ALDH6A1: variants seen among roughly 807,000 people sequenced by gnomAD.
ALDH6A1 encodes methylmalonate-semialdehyde/malonate-semialdehyde dehydrogenase [acylating], mitochondrial.
Under a neutral mutation model 62.6 loss-of-function variants are expected in ALDH6A1, and 43 were observed. The observed-to-expected ratio is 0.69, with a 90% CI of 0.54 to 0.89. The LOEUF is 0.89. Ranked by LOEUF, ALDH6A1 falls within the 40% of genes least tolerant of loss-of-function variation. The probability of loss-of-function intolerance (pLI) is 0.00; values close to 1 mark genes in which losing one functional copy is unlikely to be tolerated. For synonymous variants in ALDH6A1, 194 were observed against 234.2 expected (o/e 0.83, Z 1.57); for missense variants, 551 against 661.3 (o/e 0.83, Z 1.83).
Position 74,066,905 on chromosome 14 carries a change from G to T in ALDH6A1, c.1043-19C>A, listed in dbSNP as rs1228769720. ...TGATCTCCTGTAAAACAACACAGAA[G>T]AATTTAAGGTCCTCATTAACATAAA... On this transcript the variant is annotated intron_variant, in intron 8 of 11. Transcript: ENST00000553458. 3 of 1,609,940 alleles carry T rather than the reference G, an allele frequency of 1.9e-6. No individual in the cohort carries two copies. Among genetic ancestry groups the T allele is most frequent in the Admixed American group, 1.7e-5 (1 of 59,994 alleles).
chr14:74,064,772 T>G (rs2060431755), intron 11 of ALDH6A1, 50 bp downstream of exon 11: 2 of 1,612,208 alleles, frequency 1.2e-6, no homozygotes, highest in Non-Finnish European at 1.7e-6. Flanking sequence ...CTGAATATCT[T>G]TAAGAAAATT....
At chr14:74,078,110 G>C (rs1169503332) in intron 1 of ALDH6A1, 6 of 440,874 alleles carry the variant, frequency 1.4e-5, no homozygotes, top group Admixed American at 7.7e-5. Flanking sequence ...TTCACTCTTT[G>C]CTATTCCACA....
intron 11 of ALDH6A1, among the ~76,000 whole-genome samples, chr14:74,061,321 A>ATTTTTT (rs1359402610): frequency 0.074 from 11,095 of 150,116 alleles, 545 homozygotes; most frequent in South Asian, 0.25. Context: ...ATTTATTTTG[A>ATTTTTT]GACAGAGTCT....
chr14:74,065,084 G>A, intron 10 of ALDH6A1, 97 bp downstream of exon 10: 1 of 1,482,758 alleles, frequency 6.7e-7, no homozygotes. Flanking sequence ...GGAGGTCATG[G>A]GGGCAATCTT....
intron 11 of ALDH6A1, among the ~76,000 whole-genome samples, chr14:74,063,865 CAAA>C (rs71115948): frequency 3.2e-5 from 4 of 124,174 alleles, no homozygotes; most frequent in Non-Finnish European, 5.3e-5. Flanking sequence ...GACTCTGTCT[CAAA>C]AAAAAAAAAA....
intron 11 of ALDH6A1, among the ~76,000 whole-genome samples, chr14:74,062,032 G>A (rs1381919010): frequency 8.4e-6 from 1 of 118,890 alleles, no homozygotes; most frequent in Admixed American, 1.1e-4. Context: ...CCAACATGGC[G>A]AAACCTCGTC....
In ALDH6A1 at chr14:74,059,654, C is replaced by A; in HGVS notation, c.*988G>T. 1 of 193,316 alleles carries A rather than the reference C, an allele frequency of 5.2e-6. No individual in the cohort carries two copies. 12.0% of individuals were successfully genotyped at this position (193,316 alleles called of 1,614,324 possible). ...AGGTTGCGGTGAGCTGAGATCACGCCATTGCACTCCAGCCTGGGCAACAAG... is the reference window on the plus strand; with the variant it reads ...AGGTTGCGGTGAGCTGAGATCACGCAATTGCACTCCAGCCTGGGCAACAAG... On this transcript the variant is annotated 3_prime_UTR_variant, in exon 12 of 12. Transcript: ENST00000553458.
intron 9 of ALDH6A1, chr14:74,065,940 T>G (rs921646959): frequency 2.5e-5 from 4 of 157,372 alleles, no homozygotes; most frequent in African/African-American, 9.6e-5. Flanking sequence ...GCAAGAGATT[T>G]CATAATTTCT....
At chr14:74,083,154 T>G (rs2060687143) in intron 1 of ALDH6A1, among the ~76,000 whole-genome samples, 1 of 152,314 alleles carries the variant, frequency 6.6e-6, no homozygotes, top group East Asian at 1.9e-4. Context: ...TAAAAATGAA[T>G]CTTTGCTGAC....
At position 74,057,049 on chromosome 14, in the gene ALDH6A1, T is replaced by C. The variant is rs1415946156; in HGVS notation, c.*3593A>G. 1 of 1,589,028 alleles carries C rather than the reference T, an allele frequency of 6.3e-7. No individual in the cohort carries two copies. The highest frequency in any genetic ancestry group is 1.3e-5 in the African/African-American group (1 of 74,118). ...ATGGTTCTTGTGGGCATCTTGAATG[T>C]GCTAATTGAAAGTAATATGACAAGT... On this transcript the variant is annotated 3_prime_UTR_variant, in exon 12 of 12. Transcript: ENST00000553458.
At chr14:74,068,709 C>G in intron 7 of ALDH6A1, 151 bp downstream of exon 7, 1 of 880,170 alleles carries the variant, frequency 1.1e-6, no homozygotes, top group East Asian at 3.0e-5. Flanking sequence ...TGCCACTGCA[C>G]TCCAGCTTGG....
At chr14:74,067,997 T>TAAA (rs35503985) in intron 7 of ALDH6A1, among the ~76,000 whole-genome samples, 19,501 of 132,662 alleles carry the variant, frequency 0.15, 1,911 homozygotes, top group East Asian at 0.58. Context: ...AGAGCAATGT[T>TAAA]AAAAAAAAAA....
Position 74,060,473 on chromosome 14 carries a change from C to T in ALDH6A1, c.*169G>A, listed in dbSNP as rs1416261225. ...TGAGAAATCTGGTTTCATTGTTACA[C>T]TAGGCAGTTCCCTATAGAAACTTTG... On this transcript the variant is annotated 3_prime_UTR_variant, in exon 12 of 12. Coordinates refer to ENST00000553458, the MANE Select transcript of ALDH6A1 (RefSeq NM_005589.4). The T allele has an allele frequency of 4.6e-6, 3 of 652,518 alleles. No homozygotes were observed. Among genetic ancestry groups the T allele is most frequent in the Admixed American group, 4.7e-5 (2 of 42,506 alleles). 40.4% of individuals were successfully genotyped at this position (652,518 alleles called of 1,614,324 possible).
intron 10 of ALDH6A1, 93 bp from the exon 11 acceptor site, chr14:74,065,013 C>T: frequency 1.5e-6 from 2 of 1,376,598 alleles, no homozygotes; most frequent in South Asian, 1.2e-5. Context: ...TAAATACCCA[C>T]CTTCTACCCT....
chr14:74,059,057 C>G lies in ALDH6A1; in HGVS notation c.*1585G>C, dbSNP rs553834672. 2 of 171,200 alleles carry G rather than the reference C, an allele frequency of 1.2e-5. No homozygotes were observed. Among genetic ancestry groups the G allele is most frequent in the East Asian group, 3.7e-4 (2 of 5,426 alleles). The allele number at this position is 171,200 out of a possible 1,614,324, so 10.6% of individuals were successfully genotyped here. On this transcript the variant is annotated 3_prime_UTR_variant, in exon 12 of 12. Coordinates refer to ENST00000553458, the MANE Select transcript of ALDH6A1 (RefSeq NM_005589.4). ...CAAGATCACGCCATTGCACTCTAGC[C>G]TGGGCAACAAGAGTGAAACTCCATC...
chr14:74,067,641 G>A (rs2060489058), intron 7 of ALDH6A1, 72 bp from the exon 8 acceptor site: 1 of 1,526,120 alleles, frequency 6.6e-7, no homozygotes, highest in Non-Finnish European at 9.0e-7. Context: ...TTAAGCAGTG[G>A]ACCAGGTGTG....
At chr14:74,076,941 C>G (rs1194010624) in intron 1 of ALDH6A1, among the ~76,000 whole-genome samples, 1 of 152,202 alleles carries the variant, frequency 6.6e-6, no homozygotes, top group Non-Finnish European at 1.5e-5. Context: ...TAAAGGAAAG[C>G]TGCAATCTAA....
intron 1 of ALDH6A1, among the ~76,000 whole-genome samples, chr14:74,075,383 A>G (rs1760797053): frequency 2.0e-5 from 3 of 152,200 alleles, no homozygotes; most frequent in Admixed American, 2.0e-4. Context: ...TGTGCTGGGC[A>G]TGGTGACTCA....
intron 11 of ALDH6A1, among the ~76,000 whole-genome samples, chr14:74,062,609 C>T (rs2060372915): frequency 6.6e-6 from 1 of 151,906 alleles, no homozygotes; most frequent in Non-Finnish European, 1.5e-5. Flanking sequence ...AAAAAAACCC[C>T]AAAACAAAAA....
Sources: gnomAD v4.1 joint callset for allele counts (sites outside exome capture counted in the v4.1 genomes callset) on GRCh38, gnomAD v4.1.1 for gene constraint, MANE v1.5 for transcripts, NCBI Gene and HGNC (gene_info 2026-07-23, HGNC 2026-07-21) for gene names.